Variants in SYNE1 observed in about 807,000 individuals in gnomAD.
The protein encoded by SYNE1 is spectrin repeat containing nuclear envelope protein 1.
A neutral mutation model predicts 1,111.0 loss-of-function variants in SYNE1; 616 were observed. That is an observed-to-expected ratio of 0.55 (90% CI 0.52 to 0.59). SYNE1 has a LOEUF of 0.59. Among genes scored for constraint, SYNE1 ranks in the 20% least tolerant of loss-of-function variants. The pLI is 0.00. For missense variants in SYNE1, 10,006 were observed against 10,417.0 expected (o/e 0.96, Z 1.72); for synonymous variants, 3,855 against 3,825.8 (o/e 1.01, Z -0.28).
At chr6:152,518,390 G>C (rs1199252701) in intron 6 of SYNE1, among the ~76,000 whole-genome samples, 5 of 151,890 alleles carry the variant, frequency 3.3e-5, no homozygotes, top group Non-Finnish European at 4.4e-5. Flanking sequence ...ACACAATAGT[G>C]AGTGAGTTCT....
chr6:152,369,701 G>A, intron 59 of SYNE1, 87 bp from the exon 60 acceptor site: 1 of 1,526,588 alleles, frequency 6.6e-7, no homozygotes, highest in East Asian at 2.3e-5. Context: ...AGTCCACCCA[G>A]GCTGGGCACA....
chr6:152,122,555 T>C lies in SYNE1; in HGVS notation c.26275A>G (p.Ile8759Val). The change falls in exon 146 of 146, where the codon ATC becomes GTC. Residue 8759 changes from isoleucine to valine, a missense_variant. Physicochemically the swap from Ile to Val is conservative, Grantham distance 29 (BLOSUM62 3). Transcript: ENST00000367255. ...ATTGGTACAAGGCAGGCAAGCCCGA[T>C]GAGGAGGAGCAGGAGAAGCTGAAGG... The part of the protein sequence containing the change: ...LPLQLLLLLL[I>V]GLACLVPMSE... The C allele has an allele frequency of 6.2e-7, 1 of 1,614,074 alleles. No individual in the cohort carries two copies. Among genetic ancestry groups the C allele is most frequent in the Non-Finnish European group, 8.5e-7 (1 of 1,180,010 alleles).
chr6:152,205,004 G>C (rs1197695481), intron 126 of SYNE1, among the ~76,000 whole-genome samples: 2 of 152,136 alleles, frequency 1.3e-5, no homozygotes, highest in Non-Finnish European at 2.9e-5. Context: ...CATTACTGAT[G>C]AAACTGTGCT....
chr6:152,397,260 C>T (rs1402740304), intron 49 of SYNE1, among the ~76,000 whole-genome samples: 3 of 152,198 alleles, frequency 2.0e-5, no homozygotes, highest in African/African-American at 4.8e-5. Flanking sequence ...TTCTCACTGT[C>T]CCAACATGGT....
intron 101 of SYNE1, among the ~76,000 whole-genome samples, chr6:152,260,614 C>T (rs1427838037): frequency 1.3e-5 from 2 of 151,244 alleles, no homozygotes; most frequent in South Asian, 4.2e-4. Flanking sequence ...TCTGGAGAGA[C>T]GTATGTGTGG....
intron 3 of SYNE1, among the ~76,000 whole-genome samples, chr6:152,604,951 A>AGAAG (rs1163754600): frequency 3.4e-4 from 5 of 14,878 alleles, no homozygotes; most frequent in African/African-American, 1.2e-3. Flanking sequence ...TCACAAAGAA[A>AGAAG]GAAAGAAAGA....
At chr6:152,125,851 C>G (rs1009344121) in intron 145 of SYNE1, 1 of 152,286 alleles carries the variant, frequency 6.6e-6, no homozygotes, top group African/African-American at 2.4e-5. Flanking sequence ...TGCCCATTGA[C>G]CTGTTCACTC....
At chr6:152,352,844 G>T (rs2096766326) in intron 69 of SYNE1, among the ~76,000 whole-genome samples, 1 of 152,146 alleles carries the variant, frequency 6.6e-6, no homozygotes, top group African/African-American at 2.4e-5. Flanking sequence ...TTCAATATAG[G>T]TTCTAAAAGT....
intron 59 of SYNE1, among the ~76,000 whole-genome samples, chr6:152,370,900 G>A (rs1461073473): frequency 2.6e-5 from 4 of 152,190 alleles, no homozygotes; most frequent in Non-Finnish European, 5.9e-5. Flanking sequence ...TGGGTTAGCT[G>A]TAAGAATCAT....
At position 152,310,384 on chromosome 6, in the gene SYNE1, A is replaced by G. The variant is rs1362460103; in HGVS notation, c.17019+12T>C. 6.2e-7 allele frequency: 1 copy of G among 1,614,112 alleles called. No homozygotes were observed. Among genetic ancestry groups the G allele is most frequent in the Non-Finnish European group, 8.5e-7 (1 of 1,180,040 alleles). ...TCCCTGTCCCTATTTACTCCAAGTT[A>G]GTTTGGCTTACCTGCCGATGAGAGA... On this transcript the variant is annotated intron_variant, in intron 89 of 145. Transcript: ENST00000367255.
At chr6:152,284,402 A>G (rs1382385034) in intron 95 of SYNE1, among the ~76,000 whole-genome samples, 1 of 152,176 alleles carries the variant, frequency 6.6e-6, no homozygotes, top group Non-Finnish European at 1.5e-5. Flanking sequence ...CAACTTAATT[A>G]ATCTTTCTAG....
At chr6:152,596,186 CT>C (rs1339173484) in intron 3 of SYNE1, among the ~76,000 whole-genome samples, 1 of 134,478 alleles carries the variant, frequency 7.4e-6, no homozygotes, top group African/African-American at 2.8e-5. Flanking sequence ...TCAGTATTTA[CT>C]TTAAGGCCAA....
At chr6:152,543,393 T>C (rs2099282852) in intron 3 of SYNE1, among the ~76,000 whole-genome samples, 1 of 152,330 alleles carries the variant, frequency 6.6e-6, no homozygotes, top group South Asian at 2.1e-4. Context: ...TTTAATTTAA[T>C]TATTCAGCAA....
chr6:152,322,976 T>C (rs7738189), intron 82 of SYNE1, among the ~76,000 whole-genome samples: 86,890 of 152,054 alleles, frequency 0.57, 25,478 homozygotes, highest in African/African-American at 0.68. Flanking sequence ...ACTGAGTCTG[T>C]ATGGTTCACC....
Position 152,521,124 on chromosome 6 carries a change from T to C in SYNE1, c.226-582A>G, listed in dbSNP as rs185605163. On this transcript the variant is annotated intron_variant, in intron 5 of 145. Coordinates refer to ENST00000367255, the MANE Select transcript of SYNE1 (RefSeq NM_182961.4). ...AAAAAGAATGCTTAGTTTTTAATTT[T>C]ATATGAAGAGCATCACTGTATTAAT... Among the ~76,000 whole-genome samples, 25 of 152,316 alleles carry C rather than the reference T, an allele frequency of 1.6e-4. 1 individual carries two copies. The East Asian group carries it at 4.8e-3, about 29-fold the overall frequency.
intron 135 of SYNE1, 58 bp from the exon 136 acceptor site, chr6:152,149,726 A>G (rs1175905231): frequency 7.0e-7 from 1 of 1,432,612 alleles, no homozygotes; most frequent in African/African-American, 1.4e-5. Flanking sequence ...TTGATATAAA[A>G]GAATCATAAT....
At chr6:152,629,549 A>AGG (rs1565300223) in intron 2 of SYNE1, among the ~76,000 whole-genome samples, 3 of 13,328 alleles carry the variant, frequency 2.3e-4, no homozygotes, top group African/African-American at 1.1e-3. Context: ...GGGGGAGGGG[A>AGG]GGAGGGGGTG....
At chr6:152,516,850 TGCTGGGATTAGAG>T (rs2099114750) in intron 6 of SYNE1, among the ~76,000 whole-genome samples, 1 of 152,132 alleles carries the variant, frequency 6.6e-6, no homozygotes, top group South Asian at 2.1e-4. Flanking sequence ...CCTCCCAAAG[TGCTGGGATTAGAG>T]GTGTGAGCCA....
At position 152,321,703 on chromosome 6, in the gene SYNE1, G is replaced by A. The variant is rs746030330; in HGVS notation, c.16083+18C>T. ...TTTTGAAATGATGGGTAAAGAGAAT[G>A]AGGAGACTTTTTTGTACCTGAAGTT... On this transcript the variant is annotated intron_variant, in intron 83 of 145. Coordinates refer to ENST00000367255, the MANE Select transcript of SYNE1 (RefSeq NM_182961.4). The A allele has an allele frequency of 6.2e-7, 1 of 1,613,626 alleles. No individual in the cohort carries two copies. Among genetic ancestry groups the A allele is most frequent in the African/African-American group, 1.3e-5 (1 of 74,920 alleles).
Sources: allele counts gnomAD v4.1 joint callset (sites outside exome capture counted in the v4.1 genomes callset), GRCh38; gene constraint gnomAD v4.1.1; transcripts MANE v1.5; gene names NCBI Gene and HGNC (gene_info 2026-07-23, HGNC 2026-07-21).